UBE2R2: variants seen among roughly 807,000 people sequenced by gnomAD.
UBE2R2 encodes ubiquitin-conjugating enzyme E2 R2.
UBE2R2 carries 1 observed loss-of-function variant against 27.8 expected under a neutral mutation model. That is an observed-to-expected ratio of 0.04 (90% confidence interval 0.01 to 0.17). The LOEUF (loss-of-function observed/expected upper bound fraction) is 0.17. Ranked by LOEUF, UBE2R2 falls within the 10% of genes least tolerant of loss-of-function variation. UBE2R2 has a pLI of 1.00. For synonymous variants in UBE2R2, 106 were observed against 113.3 expected, an observed-to-expected ratio of 0.94 and a Z score of 0.41; for missense variants, 100 against 291.0, an observed-to-expected ratio of 0.34 and a Z score of 4.78.
intron 1 of UBE2R2, among the ~76,000 whole-genome samples, chr9:33,822,906 AT>A (rs542620697): frequency 0.014 from 1,729 of 127,812 alleles, 23 homozygotes; most frequent in African/African-American, 0.041. Flanking sequence ...CTTCTTATTA[AT>A]TTTTTTTTTT....
At chr9:33,841,513 C>G (rs899642184) in intron 1 of UBE2R2, among the ~76,000 whole-genome samples, 2 of 152,070 alleles carry the variant, frequency 1.3e-5, no homozygotes, top group Non-Finnish European at 2.9e-5. Flanking sequence ...GTTTCTACCC[C>G]AGATTTATAA....
intron 1 of UBE2R2, among the ~76,000 whole-genome samples, chr9:33,879,574 C>T (rs1389996299): frequency 6.6e-6 from 1 of 151,576 alleles, no homozygotes; most frequent in South Asian, 2.1e-4. Flanking sequence ...CCACCTCAGC[C>T]TCCTGAGTAG....
chr9:33,833,355 G>A (rs189689232), intron 1 of UBE2R2, among the ~76,000 whole-genome samples: 107 of 152,232 alleles, frequency 7.0e-4, no homozygotes, highest in Non-Finnish European at 1.1e-3. Flanking sequence ...GTGAGCCACC[G>A]CGCCCGACTA....
intron 1 of UBE2R2, among the ~76,000 whole-genome samples, chr9:33,844,184 C>T (rs1204340037): frequency 6.7e-6 from 1 of 149,400 alleles, no homozygotes; most frequent in Non-Finnish European, 1.5e-5. Flanking sequence ...AATTAATAAG[C>T]CTTTTTCTGT....
At chr9:33,859,787 TGTGTGTGTGTGTGAGAGAGA>T (rs1301467476) in intron 1 of UBE2R2, among the ~76,000 whole-genome samples, 2 of 108,588 alleles carry the variant, frequency 1.8e-5, no homozygotes, top group African/African-American at 3.2e-5. Context: ...TGTGTGTGTG[TGTGTGTGTGTGTGAGAGAGA>T]GAGAGAGAGA....
intron 1 of UBE2R2, among the ~76,000 whole-genome samples, chr9:33,849,778 GC>G (rs1820924139): frequency 6.6e-6 from 1 of 151,694 alleles, no homozygotes; most frequent in South Asian, 2.1e-4. Flanking sequence ...GGTGACTTGA[GC>G]CCAAGAGGTG....
chr9:33,894,347 A>G (rs1337259135), intron 2 of UBE2R2, among the ~76,000 whole-genome samples: 1 of 152,168 alleles, frequency 6.6e-6, no homozygotes, highest in Non-Finnish European at 1.5e-5. Context: ...GCTTTGCATT[A>G]CCCACATGGC....
At chr9:33,850,246 A>G (rs942329229) in intron 1 of UBE2R2, among the ~76,000 whole-genome samples, 16 of 152,186 alleles carry the variant, frequency 1.1e-4, no homozygotes, top group African/African-American at 2.9e-4. Flanking sequence ...TAATTAGACC[A>G]TTAAGGATTG....
At chr9:33,882,810 C>G (rs747258429) in intron 1 of UBE2R2, among the ~76,000 whole-genome samples, 1 of 152,092 alleles carries the variant, frequency 6.6e-6, no homozygotes, top group African/African-American at 2.4e-5. Flanking sequence ...AACCTTGTGC[C>G]GAGGATAGTG....
At chr9:33,885,087 G>T (rs758893377) in intron 1 of UBE2R2, among the ~76,000 whole-genome samples, 1 of 152,180 alleles carries the variant, frequency 6.6e-6, no homozygotes, top group Non-Finnish European at 1.5e-5. Flanking sequence ...GAGGCTCTGC[G>T]TATGTGTCAT....
At chr9:33,893,550 G>GTAC (rs1426212233) in intron 2 of UBE2R2, among the ~76,000 whole-genome samples, 2 of 152,176 alleles carry the variant, frequency 1.3e-5, no homozygotes, top group Non-Finnish European at 2.9e-5. Context: ...TAGTTTTTGA[G>GTAC]TACCTGTTTT....
chr9:33,881,548 A>G (rs972573691), intron 1 of UBE2R2, among the ~76,000 whole-genome samples: 1 of 152,128 alleles, frequency 6.6e-6, no homozygotes, highest in Admixed American at 6.6e-5. Context: ...CCGTCTTTTT[A>G]GTCTCCTCCA....
chr9:33,859,145 A>G (rs1821168987), intron 1 of UBE2R2, among the ~76,000 whole-genome samples: 1 of 152,096 alleles, frequency 6.6e-6, no homozygotes, highest in South Asian at 2.1e-4. Context: ...TTTTAATATT[A>G]AAAAATATAT....
intron 1 of UBE2R2, among the ~76,000 whole-genome samples, chr9:33,879,652 C>T (rs1310007911): frequency 2.6e-5 from 4 of 151,460 alleles, no homozygotes; most frequent in Admixed American, 1.3e-4. Flanking sequence ...GGGGTTTCAC[C>T]ATTTGCCCAG....
intron 1 of UBE2R2, among the ~76,000 whole-genome samples, chr9:33,863,470 A>G (rs1200439531): frequency 1.3e-5 from 2 of 151,736 alleles, no homozygotes; most frequent in Non-Finnish European, 2.9e-5. Context: ...CGAGATCAAG[A>G]TTGCGTTGCC....
chr9:33,815,729 G>A (rs760852102), upstream of UBE2R2, among the ~76,000 whole-genome samples: 2 of 152,206 alleles, frequency 1.3e-5, no homozygotes, highest in East Asian at 3.9e-4. Context: ...GGGCAACAGA[G>A]TAAGACCCTG....
At chr9:33,851,817 A>G (rs1266900456) in intron 1 of UBE2R2, among the ~76,000 whole-genome samples, 1 of 152,154 alleles carries the variant, frequency 6.6e-6, no homozygotes, top group East Asian at 1.9e-4. Flanking sequence ...ATTTCATTAA[A>G]TGGGTAGTAA....
At chr9:33,915,790 A>T (rs1236221231) in intron 4 of UBE2R2, among the ~76,000 whole-genome samples, 1 of 152,140 alleles carries the variant, frequency 6.6e-6, no homozygotes, top group African/African-American at 2.4e-5. Context: ...GCAAGCAAAA[A>T]ATACTAGATA....
chr9:33,890,704 G>A (rs1821960335), intron 2 of UBE2R2, among the ~76,000 whole-genome samples: 1 of 152,098 alleles, frequency 6.6e-6, no homozygotes, highest in African/African-American at 2.4e-5. Flanking sequence ...CAGCTACTCA[G>A]GAGGCTGAGG....
Sources: allele counts gnomAD v4.1 joint callset (sites outside exome capture counted in the v4.1 genomes callset), GRCh38; gene constraint gnomAD v4.1.1; transcripts MANE v1.5; gene names NCBI Gene and HGNC (gene_info 2026-07-23, HGNC 2026-07-21).